LGR5: variants seen among roughly 807,000 people sequenced by gnomAD.
LGR5 encodes the protein leucine-rich repeat-containing G protein-coupled receptor 5.
Under a neutral mutation model 76.7 loss-of-function variants are expected in LGR5, and 54 were observed. The observed-to-expected ratio is 0.70, with a 90% confidence interval of 0.57 to 0.88. LGR5 has a LOEUF of 0.88. Ranked by LOEUF, LGR5 falls within the 40% of genes least tolerant of loss-of-function variation. The pLI is 0.00. For synonymous variants in LGR5, 406 were observed against 421.9 expected (o/e 0.96, Z 0.46); for missense variants, 1,078 against 1,073.3 (o/e 1.00, Z -0.06).
intron 1 of LGR5, among the ~76,000 whole-genome samples, chr12:71,458,734 ATT>A (rs34619687): frequency 0.24 from 36,605 of 152,016 alleles, 6,271 homozygotes; most frequent in African/African-American, 0.48. Context: ...CACAATTAAT[ATT>A]TTTATCAACT....
chr12:71,471,880 G>T (rs34263073), intron 1 of LGR5, among the ~76,000 whole-genome samples: 10,483 of 152,082 alleles, frequency 0.069, 398 homozygotes, highest in African/African-American at 0.093. Context: ...TACTAAAAGA[G>T]TATGTAGTAT....
chr12:71,452,382 C>G (rs1872285207), intron 1 of LGR5, among the ~76,000 whole-genome samples: 1 of 152,222 alleles, frequency 6.6e-6, no homozygotes. Context: ...ACAGTCAGCA[C>G]AGTTTTCTCT....
At chr12:71,559,260 G>T (rs181139706) in intron 6 of LGR5, among the ~76,000 whole-genome samples, 1 of 148,432 alleles carries the variant, frequency 6.7e-6, no homozygotes, top group Non-Finnish European at 1.5e-5. Context: ...AGCTCCATCC[G>T]CCAGCCGTCA....
chr12:71,491,138 T>G (rs35971682), intron 1 of LGR5, among the ~76,000 whole-genome samples: 13,610 of 152,210 alleles, frequency 0.089, 654 homozygotes, highest in Non-Finnish European at 0.11. Flanking sequence ...GCTATGATTA[T>G]GAGGCCTCCC....
intron 1 of LGR5, among the ~76,000 whole-genome samples, chr12:71,486,187 G>A (rs1452094091): frequency 1.3e-5 from 2 of 152,138 alleles, no homozygotes; most frequent in Non-Finnish European, 2.9e-5. Flanking sequence ...CAAGCTGAAA[G>A]TGTGACCAAA....
chr12:71,495,655 A>T (rs1345684550), intron 1 of LGR5, among the ~76,000 whole-genome samples: 2 of 151,334 alleles, frequency 1.3e-5, no homozygotes, highest in African/African-American at 2.5e-5. Flanking sequence ...CTGAGGTACA[A>T]AGATGTTAAA....
intron 1 of LGR5, among the ~76,000 whole-genome samples, chr12:71,464,260 T>C (rs1384982582): frequency 2.0e-5 from 3 of 152,128 alleles, no homozygotes; most frequent in Admixed American, 6.6e-5. Flanking sequence ...CTTAATACCA[T>C]GCCTACCACA....
At chr12:71,548,017 G>A (rs1339440356) in intron 4 of LGR5, among the ~76,000 whole-genome samples, 2 of 152,032 alleles carry the variant, frequency 1.3e-5, no homozygotes, top group Non-Finnish European at 2.9e-5. Flanking sequence ...TGCTATTTCC[G>A]ATATAGTGAT....
chr12:71,567,408 T>G (rs965484474), intron 11 of LGR5: 2 of 155,172 alleles, frequency 1.3e-5, no homozygotes, highest in African/African-American at 4.8e-5. Context: ...TTCTATTGAC[T>G]TGGGACTTTT....
At chr12:71,449,023 A>G (rs1432399306) in intron 1 of LGR5, among the ~76,000 whole-genome samples, 3 of 152,242 alleles carry the variant, frequency 2.0e-5, no homozygotes, top group Non-Finnish European at 4.4e-5. Context: ...CCCAAGGGAC[A>G]GTGCTGACGG....
At chr12:71,547,985 C>A (rs138199691) in intron 4 of LGR5, among the ~76,000 whole-genome samples, 6 of 152,056 alleles carry the variant, frequency 3.9e-5, no homozygotes, top group Non-Finnish European at 7.4e-5. Flanking sequence ...ACAGACCCCC[C>A]CCAAAAGGAC....
intron 16 of LGR5, 137 bp from the exon 17 acceptor site, chr12:71,582,317 AAT>A (rs1225928731): frequency 1.5e-6 from 1 of 666,682 alleles, no homozygotes; most frequent in East Asian, 2.7e-5. Flanking sequence ...GCAACTTTAT[AAT>A]AACTTGCAAG....
chr12:71,542,999 C>G (rs1876963349), intron 4 of LGR5, among the ~76,000 whole-genome samples: 1 of 145,662 alleles, frequency 6.9e-6, no homozygotes, highest in Admixed American at 7.1e-5. Context: ...TGGGACCATG[C>G]CTCCCTGGTT....
chr12:71,569,914 C>T (rs996278403), intron 11 of LGR5, among the ~76,000 whole-genome samples: 2 of 152,116 alleles, frequency 1.3e-5, no homozygotes, highest in Non-Finnish European at 2.9e-5. Flanking sequence ...AACCCAAATG[C>T]CCACCAATGA....
At chr12:71,569,230 A>G (rs1162004047) in intron 11 of LGR5, among the ~76,000 whole-genome samples, 2 of 152,266 alleles carry the variant, frequency 1.3e-5, no homozygotes, top group Non-Finnish European at 2.9e-5. Flanking sequence ...AGTCAATGTC[A>G]TTCAGGACAT....
chr12:71,527,102 G>T (rs1246800051), intron 3 of LGR5, among the ~76,000 whole-genome samples: 24 of 152,042 alleles, frequency 1.6e-4, no homozygotes, highest in Admixed American at 1.6e-3. Context: ...ATAAGTGAGG[G>T]AAGGCCATGT....
intron 1 of LGR5, among the ~76,000 whole-genome samples, chr12:71,492,456 G>A (rs1161545566): frequency 1.3e-5 from 2 of 152,148 alleles, no homozygotes; most frequent in Non-Finnish European, 2.9e-5. Context: ...TTCACTCCAA[G>A]AGATGTGTTG....
chr12:71,535,210 A>C, intron 4 of LGR5, 24 bp downstream of exon 4: 1 of 1,472,874 alleles, frequency 6.8e-7, no homozygotes, highest in Non-Finnish European at 9.5e-7. Flanking sequence ...ACATTGCAAA[A>C]TATATTTAAG....
At chr12:71,581,370 T>C (rs756445188) in intron 16 of LGR5, among the ~76,000 whole-genome samples, 87 of 152,338 alleles carry the variant, frequency 5.7e-4, no homozygotes, top group Non-Finnish European at 4.4e-4. Context: ...CCTGTGGTAA[T>C]GAGGAGGTGC....
Sources: gnomAD v4.1 joint callset for allele counts (sites outside exome capture counted in the v4.1 genomes callset) on GRCh38, gnomAD v4.1.1 for gene constraint, MANE v1.5 for transcripts, NCBI Gene and HGNC (gene_info 2026-07-23, HGNC 2026-07-21) for gene names.